CALN1: variants seen among roughly 807,000 people sequenced by gnomAD.
CALN1 encodes the protein calcium-binding protein 8.
CALN1 carries 17 observed loss-of-function variants against 30.6 expected under a neutral mutation model. That is an observed-to-expected ratio of 0.56 (90% confidence interval 0.38 to 0.83). The LOEUF (loss-of-function observed/expected upper bound fraction) is 0.83, where lower values mean the gene tolerates loss of function less well. CALN1 is among the 40% of genes least tolerant of loss of function. The pLI is 0.00. For missense variants in CALN1, 291 were observed against 354.9 expected (o/e 0.82, Z 1.45); for synonymous variants, 156 against 131.4 (o/e 1.19, Z -1.28).
chr7:72,477,423 T>C, the CALN1 span, among the ~76,000 whole-genome samples: 1 of 152,034 alleles, frequency 6.6e-6, no homozygotes, highest in Non-Finnish European at 1.5e-5. Context: ...TACCCCTTTT[T>C]TAATTTTTGT....
intron 5 of CALN1, among the ~76,000 whole-genome samples, chr7:71,972,971 T>C (rs576243528): frequency 1.5e-4 from 23 of 152,278 alleles, no homozygotes; most frequent in African/African-American, 5.5e-4. Context: ...GCCCCAGGAA[T>C]TGCCAGCCAG....
At chr7:71,895,313 CTT>C (rs1345950150) in intron 5 of CALN1, among the ~76,000 whole-genome samples, 1 of 148,580 alleles carries the variant, frequency 6.7e-6, no homozygotes, top group African/African-American at 2.5e-5. Context: ...AATTTTCTCT[CTT>C]TTCTTTTTTT....
chr7:72,356,748 G>T (rs768192344), intron 2 of CALN1, among the ~76,000 whole-genome samples: 66 of 151,924 alleles, frequency 4.3e-4, no homozygotes, highest in Middle Eastern at 3.4e-3. Context: ...CTAGAAGAAC[G>T]CAAATTACAA....
At chr7:71,809,964 C>T (rs1053491198) in intron 6 of CALN1, among the ~76,000 whole-genome samples, 1 of 152,050 alleles carries the variant, frequency 6.6e-6, no homozygotes, top group South Asian at 2.1e-4. Flanking sequence ...CAAGGTCACA[C>T]AACGGACTCG....
At chr7:71,944,594 C>A (rs1207729374) in intron 5 of CALN1, among the ~76,000 whole-genome samples, 30 of 60,026 alleles carry the variant, frequency 5.0e-4, no homozygotes, top group South Asian at 1.8e-3. Flanking sequence ...AACTCCATCC[C>A]AAAAAAAAAA....
chr7:72,292,798 G>C (rs1798581123), intron 2 of CALN1, among the ~76,000 whole-genome samples: 1 of 116,078 alleles, frequency 8.6e-6, no homozygotes, highest in Non-Finnish European at 1.6e-5. Flanking sequence ...TCCAGCTTGG[G>C]CAACAGAACA....
At chr7:72,492,317 G>A in the CALN1 span, among the ~76,000 whole-genome samples, 1 of 152,204 alleles carries the variant, frequency 6.6e-6, no homozygotes, top group Non-Finnish European at 1.5e-5. Context: ...GAGAGTTAGT[G>A]GCGTGATCTT....
intron 2 of CALN1, among the ~76,000 whole-genome samples, chr7:72,384,957 G>GA (rs1399748334): frequency 1.3e-5 from 2 of 151,914 alleles, no homozygotes; most frequent in African/African-American, 4.8e-5. Context: ...ACTCAAAAAT[G>GA]AAAAAAACAA....
intron 2 of CALN1, among the ~76,000 whole-genome samples, chr7:72,369,359 T>TTTTTTGTTG (rs3030372): frequency 2.9e-4 from 43 of 146,710 alleles, no homozygotes; most frequent in Middle Eastern, 7.1e-3. Context: ...TATTTATTTT[T>TTTTTTGTTG]TTGTTGTTGT....
At chr7:72,120,918 G>A (rs1808329998) in intron 3 of CALN1, among the ~76,000 whole-genome samples, 1 of 151,978 alleles carries the variant, frequency 6.6e-6, no homozygotes, top group South Asian at 2.1e-4. Flanking sequence ...GAATCCAGGT[G>A]AGGGGACCAG....
chr7:72,480,356 G>A, the CALN1 span, among the ~76,000 whole-genome samples: 2 of 152,112 alleles, frequency 1.3e-5, no homozygotes, highest in Non-Finnish European at 2.9e-5. Context: ...TGGGATAAAC[G>A]TTTTTAATCT....
chr7:72,036,515 C>T (rs572780606), intron 4 of CALN1, among the ~76,000 whole-genome samples: 3 of 152,156 alleles, frequency 2.0e-5, no homozygotes, highest in Non-Finnish European at 4.4e-5. Flanking sequence ...GTTTTGTTCA[C>T]GTTCCTTCAA....
At chr7:72,134,935 G>A (rs779712947) in intron 3 of CALN1, among the ~76,000 whole-genome samples, 1 of 152,168 alleles carries the variant, frequency 6.6e-6, no homozygotes, top group African/African-American at 2.4e-5. Flanking sequence ...ATTCTACAAC[G>A]TTCACAATGC....
At chr7:71,897,688 G>A (rs1194363855) in intron 5 of CALN1, among the ~76,000 whole-genome samples, 1 of 151,460 alleles carries the variant, frequency 6.6e-6, no homozygotes, top group Non-Finnish European at 1.5e-5. Context: ...AGGGGCTGGG[G>A]GGAAGATAAT....
intron 4 of CALN1, among the ~76,000 whole-genome samples, chr7:72,089,303 T>C (rs1805695058): frequency 1.3e-5 from 2 of 152,088 alleles, no homozygotes; most frequent in Admixed American, 1.3e-4. Flanking sequence ...AGGGTAAAAG[T>C]AAGATATCTA....
chr7:72,481,193 C>A, the CALN1 span, among the ~76,000 whole-genome samples: 1 of 152,162 alleles, frequency 6.6e-6, no homozygotes, highest in African/African-American at 2.4e-5. Flanking sequence ...CTCAAGTGAT[C>A]CGCCCGCGTC....
chr7:72,113,027 G>A (rs1457125719), intron 3 of CALN1, among the ~76,000 whole-genome samples: 2 of 152,148 alleles, frequency 1.3e-5, no homozygotes, highest in African/African-American at 4.8e-5. Flanking sequence ...GCTGCCCGGT[G>A]GGTGGAGAAA....
intron 2 of CALN1, among the ~76,000 whole-genome samples, chr7:72,364,664 A>G (rs1004359843): frequency 3.3e-5 from 5 of 152,242 alleles, no homozygotes; most frequent in African/African-American, 9.6e-5. Context: ...GAATATTGAT[A>G]AAGTGTATTT....
chr7:71,934,548 G>C (rs1795730794), intron 5 of CALN1, among the ~76,000 whole-genome samples: 1 of 152,174 alleles, frequency 6.6e-6, no homozygotes, highest in Admixed American at 6.5e-5. Context: ...AAGGGAGCAA[G>C]AGAGATGCCA....
Sources: gnomAD v4.1 joint callset for allele counts (sites outside exome capture counted in the v4.1 genomes callset) on GRCh38, gnomAD v4.1.1 for gene constraint, MANE v1.5 for transcripts, NCBI Gene and HGNC (gene_info 2026-07-23, HGNC 2026-07-21) for gene names.